B3GALT1: variants seen among roughly 807,000 people sequenced by gnomAD.
B3GALT1 encodes beta-1,3-galactosyltransferase 1.
In B3GALT1, 10 loss-of-function variants were observed where a neutral mutation model predicts 23.2. The ratio of observed to expected loss-of-function variants is 0.43; its 90% CI spans 0.27 to 0.73. The LOEUF is 0.73. Among genes scored for constraint, B3GALT1 ranks in the 30% least tolerant of loss-of-function variants. The pLI is 0.21. For missense variants in B3GALT1, 299 were observed against 405.4 expected (o/e 0.74, Z 2.25); for synonymous variants, 156 against 141.5 (o/e 1.10, Z -0.73).
intron 2 of B3GALT1, among the ~76,000 whole-genome samples, chr2:167,565,169 A>G (rs886677917): frequency 6.6e-6 from 1 of 152,198 alleles, no homozygotes; most frequent in African/African-American, 2.4e-5. Context: ...ATATAGATCA[A>G]TGGAACAGAA....
chr2:167,560,522 A>G (rs563913125), intron 2 of B3GALT1, among the ~76,000 whole-genome samples: 6 of 152,368 alleles, frequency 3.9e-5, no homozygotes, highest in Non-Finnish European at 7.3e-5. Context: ...AATTGAATAA[A>G]GAGTCAAGAC....
intron 1 of B3GALT1, among the ~76,000 whole-genome samples, chr2:167,443,400 A>C (rs147598656): frequency 0.017 from 2,649 of 152,282 alleles, 84 homozygotes; most frequent in African/African-American, 0.061. Flanking sequence ...AGTTTCTTCC[A>C]ATTCTGTGAA....
intron 2 of B3GALT1, among the ~76,000 whole-genome samples, chr2:167,562,797 C>T (rs1477841743): frequency 6.6e-6 from 1 of 151,864 alleles, no homozygotes; most frequent in African/African-American, 2.4e-5. Context: ...GACCCTGCGG[C>T]CTTCCGCAGT....
chr2:167,505,280 TAAC>T (rs924624035), intron 2 of B3GALT1, among the ~76,000 whole-genome samples: 3 of 152,158 alleles, frequency 2.0e-5, no homozygotes, highest in Non-Finnish European at 4.4e-5. Flanking sequence ...GTGGATGTCT[TAAC>T]TATTAAAAAG....
rs1311333724 is a variant in B3GALT1 at position 167,666,408 on chromosome 2, G to C, written c.-352+19442G>C. Among the ~76,000 whole-genome samples the C allele has an allele frequency of 2.0e-5, 3 of 152,158 alleles. No individual in the cohort carries two copies. The East Asian group carries it at 5.8e-4, about 29-fold the overall frequency. ...TTTGGAATAGGTGTGGTGTGGTGCTGAAAAAAATGTATATTCTGTTGATTT... is the reference window on the plus strand; with the variant it reads ...TTTGGAATAGGTGTGGTGTGGTGCTCAAAAAAATGTATATTCTGTTGATTT... On this transcript the variant is annotated intron_variant, in intron 3 of 4. Coordinates refer to ENST00000392690, the MANE Select transcript of B3GALT1 (RefSeq NM_020981.4).
Position 167,868,912 on chromosome 2 carries a change from T to C in B3GALT1, c.-128T>C. On this transcript the variant is annotated 5_prime_UTR_variant, in exon 5 of 5. Transcript: ENST00000392690. Reference sequence around the variant, plus strand: ...GACAGCCACTGAGGCCCATGGACAATCTCCACCTCACGCTTCTCTATCAAA... The same window carrying C: ...GACAGCCACTGAGGCCCATGGACAACCTCCACCTCACGCTTCTCTATCAAA... 1 of 1,152,152 alleles carries C rather than the reference T, an allele frequency of 8.7e-7. No individual in the cohort carries two copies. The highest frequency in any genetic ancestry group is 1.2e-6 in the Non-Finnish European group (1 of 819,018). The allele number at this position is 1,152,152 out of a possible 1,614,324, so 71.4% of individuals were successfully genotyped here.
chr2:167,334,424 C>T (rs1697022524), intron 1 of B3GALT1, among the ~76,000 whole-genome samples: 1 of 152,130 alleles, frequency 6.6e-6, no homozygotes, highest in East Asian at 1.9e-4. Flanking sequence ...AAGCATGAAG[C>T]AGTCATATCT....
At chr2:167,596,330 A>G (rs1327436533) in intron 2 of B3GALT1, among the ~76,000 whole-genome samples, 1 of 152,210 alleles carries the variant, frequency 6.6e-6, no homozygotes, top group Non-Finnish European at 1.5e-5. Flanking sequence ...AGATATGGTT[A>G]CATTTTTACA....
intron 3 of B3GALT1, among the ~76,000 whole-genome samples, chr2:167,797,440 C>T (rs1574267229): frequency 6.6e-6 from 1 of 152,230 alleles, no homozygotes; most frequent in Admixed American, 6.5e-5. Flanking sequence ...AATGAATATA[C>T]AAGTGCATGT....
At chr2:167,599,594 A>G (rs1684838253) in intron 2 of B3GALT1, among the ~76,000 whole-genome samples, 1 of 152,198 alleles carries the variant, frequency 6.6e-6, no homozygotes, top group Non-Finnish European at 1.5e-5. Flanking sequence ...CCCATATGTC[A>G]TAAGAATATC....
chr2:167,381,598 G>C (rs554181918), intron 1 of B3GALT1, among the ~76,000 whole-genome samples: 2 of 152,138 alleles, frequency 1.3e-5, no homozygotes. Flanking sequence ...AAGGGCCAAT[G>C]ATCTAAGTGA....
At chr2:167,466,161 G>C (rs1280863626) in intron 1 of B3GALT1, among the ~76,000 whole-genome samples, 3 of 152,126 alleles carry the variant, frequency 2.0e-5, no homozygotes, top group African/African-American at 7.2e-5. Context: ...TAATGGCCTA[G>C]CTTCATTGAT....
intron 1 of B3GALT1, among the ~76,000 whole-genome samples, chr2:167,458,136 A>G (rs576832626): frequency 6.6e-6 from 1 of 152,240 alleles, no homozygotes; most frequent in East Asian, 1.9e-4. Flanking sequence ...CCTTCTCCTC[A>G]GCCCCTAACA....
intron 1 of B3GALT1, among the ~76,000 whole-genome samples, chr2:167,377,760 T>C (rs1697787090): frequency 6.6e-6 from 1 of 152,148 alleles, no homozygotes; most frequent in African/African-American, 2.4e-5. Flanking sequence ...CAGGTAAGTC[T>C]TGTTTTTTAA....
chr2:167,451,072 C>T (rs1699083318), intron 1 of B3GALT1, among the ~76,000 whole-genome samples: 1 of 151,876 alleles, frequency 6.6e-6, no homozygotes, highest in Non-Finnish European at 1.5e-5. Context: ...TGTTATTTCC[C>T]TGAAGATTTC....
At chr2:167,523,530 A>G (rs1235622932) in intron 2 of B3GALT1, among the ~76,000 whole-genome samples, 4 of 151,858 alleles carry the variant, frequency 2.6e-5, no homozygotes. Flanking sequence ...CGTTGAAGCA[A>G]TTCTCCTGCC....
intron 3 of B3GALT1, among the ~76,000 whole-genome samples, chr2:167,740,280 T>G (rs1687559526): frequency 1.3e-5 from 2 of 152,254 alleles, no homozygotes; most frequent in East Asian, 3.9e-4. Context: ...CTACCATCTC[T>G]AATTTCATGC....
intron 3 of B3GALT1, among the ~76,000 whole-genome samples, chr2:167,699,182 G>T (rs1189690518): frequency 6.6e-6 from 1 of 151,996 alleles, no homozygotes; most frequent in Non-Finnish European, 1.5e-5. Context: ...CCACTCTGAG[G>T]TATCAGTAAT....
At chr2:167,864,084 G>C (rs1370037884) in intron 4 of B3GALT1, among the ~76,000 whole-genome samples, 1 of 151,822 alleles carries the variant, frequency 6.6e-6, no homozygotes, top group East Asian at 1.9e-4. Flanking sequence ...TTCTTTAACA[G>C]TTTCAGCTTC....
Sources: allele counts gnomAD v4.1 joint callset (sites outside exome capture counted in the v4.1 genomes callset), GRCh38; gene constraint gnomAD v4.1.1; transcripts MANE v1.5; gene names NCBI Gene and HGNC (gene_info 2026-07-23, HGNC 2026-07-21).